The following LINGO2 variants were observed in gnomAD, a reference collection of about 807,000 sequenced individuals.
LINGO2 encodes the protein leucine rich repeat and Ig domain containing 2, also known as leucine-rich repeat and immunoglobulin-like domain-containing nogo receptor-interacting protein 2.
Under a neutral mutation model 30.6 loss-of-function variants are expected in LINGO2, and 14 were observed. That is an observed-to-expected ratio of 0.46 (90% CI 0.30 to 0.72). The LOEUF (loss-of-function observed/expected upper bound fraction) is 0.72. Among genes scored for constraint, LINGO2 ranks in the 30% least tolerant of loss-of-function variants. LINGO2 has a pLI of 0.07. For missense variants in LINGO2, 729 were observed against 751.7 expected, an observed-to-expected ratio of 0.97 and a Z score of 0.35; for synonymous variants, 317 against 288.5, an observed-to-expected ratio of 1.10 and a Z score of -1.00.
upstream of LINGO2, among the ~76,000 whole-genome samples, chr9:28,672,448 T>A (rs1319681621): frequency 1.3e-5 from 2 of 152,164 alleles, no homozygotes; most frequent in African/African-American, 4.8e-5. Context: ...TGATAGGCAC[T>A]TTCATATGCA....
chr9:28,984,835 C>A, the LINGO2 span, among the ~76,000 whole-genome samples: 1 of 152,024 alleles, frequency 6.6e-6, no homozygotes. Flanking sequence ...AATTTACATA[C>A]CCATCACTTC....
chr9:28,107,148 A>G (rs1374044006), intron 4 of LINGO2, among the ~76,000 whole-genome samples: 1 of 152,056 alleles, frequency 6.6e-6, no homozygotes, highest in African/African-American at 2.4e-5. Flanking sequence ...ATAGCACTAC[A>G]CAACTCTCTT....
chr9:28,586,234 T>C lies in LINGO2; in HGVS notation c.-365+83966A>G, dbSNP rs182991962. 3.0e-3 allele frequency among the ~76,000 whole-genome samples: 462 copies of C among 152,092 alleles called. 4 individuals are homozygous for C. The highest frequency in any genetic ancestry group is 4.8e-3 in the Non-Finnish European group (327 of 67,944). On this transcript the variant is annotated intron_variant, in intron 1 of 5. Transcript: ENST00000379992. ...CTTGTTATTTTAGGAATAAAACAAG[T>C]TCTATAAGTCTCATTTAAAAAGAGC... is the stretch of plus-strand genomic sequence containing the variant.
chr9:28,714,164 A>T, the LINGO2 span, among the ~76,000 whole-genome samples: 1 of 117,158 alleles, frequency 8.5e-6, no homozygotes, highest in Non-Finnish European at 1.7e-5. Flanking sequence ...TGCCTCAAAT[A>T]ATATATATAT....
chr9:29,165,084 T>C, the LINGO2 span, among the ~76,000 whole-genome samples: 2 of 152,136 alleles, frequency 1.3e-5, no homozygotes, highest in African/African-American at 4.8e-5. Context: ...GTTTATCCCA[T>C]AGTTCAAAGA....
the LINGO2 span, among the ~76,000 whole-genome samples, chr9:29,205,165 C>T: frequency 6.6e-5 from 10 of 152,038 alleles, no homozygotes; most frequent in Non-Finnish European, 1.2e-4. Flanking sequence ...CTTAGCTTCC[C>T]GAGTAGCTGG....
At chr9:28,658,266 G>T (rs958026808) in intron 1 of LINGO2, among the ~76,000 whole-genome samples, 2 of 152,024 alleles carry the variant, frequency 1.3e-5, no homozygotes, top group Non-Finnish European at 2.9e-5. Context: ...TCACATTGGT[G>T]TATACAGTTG....
At chr9:29,022,279 T>A in the LINGO2 span, among the ~76,000 whole-genome samples, 35 of 152,320 alleles carry the variant, frequency 2.3e-4, no homozygotes, top group South Asian at 6.0e-3. Context: ...TCAATGATAA[T>A]AATTAAATCA....
chr9:28,363,668 G>A (rs898919415), intron 3 of LINGO2, among the ~76,000 whole-genome samples: 1 of 151,730 alleles, frequency 6.6e-6, no homozygotes, highest in Non-Finnish European at 1.5e-5. Context: ...ATTAGTCAAG[G>A]CTAGATGCAC....
chr9:28,622,477 T>C (rs1244043818), intron 1 of LINGO2, among the ~76,000 whole-genome samples: 1 of 152,104 alleles, frequency 6.6e-6, no homozygotes, highest in Non-Finnish European at 1.5e-5. Context: ...TTATTTCACT[T>C]AACATAATGA....
chr9:28,769,147 A>G, the LINGO2 span, among the ~76,000 whole-genome samples: 1 of 151,692 alleles, frequency 6.6e-6, no homozygotes. Context: ...CTATATCTGC[A>G]TTGTCAAAAT....
At chr9:29,200,680 T>A in the LINGO2 span, among the ~76,000 whole-genome samples, 1 of 152,138 alleles carries the variant, frequency 6.6e-6, no homozygotes, top group East Asian at 1.9e-4. Flanking sequence ...CAAACAAAAG[T>A]TACATTGCCG....
At chr9:28,358,050 G>T (rs947337603) in intron 3 of LINGO2, among the ~76,000 whole-genome samples, 4 of 152,012 alleles carry the variant, frequency 2.6e-5, no homozygotes, top group Non-Finnish European at 4.4e-5. Flanking sequence ...GATCCAGAAT[G>T]ATTCATTTTT....
chr9:28,928,696 A>G, the LINGO2 span, among the ~76,000 whole-genome samples: 8 of 152,272 alleles, frequency 5.3e-5, no homozygotes, highest in East Asian at 5.8e-4. Flanking sequence ...GCAGGAGAAT[A>G]ATTTAAAAGG....
At chr9:28,183,648 G>A (rs552498668) in intron 4 of LINGO2, among the ~76,000 whole-genome samples, 1 of 152,224 alleles carries the variant, frequency 6.6e-6, no homozygotes, top group East Asian at 1.9e-4. Flanking sequence ...TGTGACTACA[G>A]AAAACTGTTG....
the LINGO2 span, among the ~76,000 whole-genome samples, chr9:29,178,123 T>C: frequency 2.6e-5 from 4 of 152,008 alleles, no homozygotes; most frequent in Non-Finnish European, 5.9e-5. Context: ...TGGTGTGATC[T>C]TGGCTCACTG....
chr9:28,808,447 G>A, the LINGO2 span, among the ~76,000 whole-genome samples: 22 of 152,164 alleles, frequency 1.4e-4, no homozygotes, highest in South Asian at 4.4e-3. Flanking sequence ...TGACCTTTCT[G>A]GTAAATTATC....
At chr9:28,628,714 T>C (rs1826798235) in intron 1 of LINGO2, among the ~76,000 whole-genome samples, 1 of 152,144 alleles carries the variant, frequency 6.6e-6, no homozygotes, top group Non-Finnish European at 1.5e-5. Context: ...GATTTCTGCT[T>C]TCATAAACTA....
At chr9:28,189,641 A>G (rs796706921) in intron 4 of LINGO2, among the ~76,000 whole-genome samples, 2,535 of 8,482 alleles carry the variant, frequency 0.3, 371 homozygotes, top group Middle Eastern at 0.42. Flanking sequence ...GGGAGGAAGG[A>G]AGGGAGGGAG....
Sources: gnomAD v4.1 joint callset for allele counts (sites outside exome capture counted in the v4.1 genomes callset) on GRCh38, gnomAD v4.1.1 for gene constraint, MANE v1.5 for transcripts, NCBI Gene and HGNC (gene_info 2026-07-23, HGNC 2026-07-21) for gene names.